DOCK1: variants seen among roughly 807,000 people sequenced by gnomAD.
DOCK1 encodes dedicator of cytokinesis protein 1.
In DOCK1, 138 loss-of-function variants were observed where a neutral mutation model predicts 262.7. The ratio of observed to expected loss-of-function variants is 0.53; its 90% confidence interval spans 0.46 to 0.61. The LOEUF (loss-of-function observed/expected upper bound fraction) is 0.61, where lower values mean the gene tolerates loss of function less well. Among genes scored for constraint, DOCK1 ranks in the 20% least tolerant of loss-of-function variants. The pLI, the probability that DOCK1 is intolerant of heterozygous loss-of-function variation, is 0.00. For synonymous variants in DOCK1, 866 were observed against 867.4 expected, an observed-to-expected ratio of 1.00 and a Z score of 0.03; for missense variants, 1,908 against 2,370.7, an observed-to-expected ratio of 0.80 and a Z score of 4.05.
intron 1 of DOCK1, among the ~76,000 whole-genome samples, chr10:126,956,316 TG>T (rs1289421040): frequency 1.3e-5 from 2 of 152,362 alleles, no homozygotes; most frequent in East Asian, 3.9e-4. Context: ...CAGAAGGTCC[TG>T]TGTGTCCTGA....
At chr10:127,085,306 G>T (rs561730890) in intron 23 of DOCK1, among the ~76,000 whole-genome samples, 1 of 152,262 alleles carries the variant, frequency 6.6e-6, no homozygotes, top group East Asian at 1.9e-4. Flanking sequence ...TCTAGGCATG[G>T]AGCTCTATCA....
chr10:127,250,791 C>CAAAAAAAAAAAAA (rs1180814401), intron 28 of DOCK1, among the ~76,000 whole-genome samples: 1 of 64,040 alleles, frequency 1.6e-5, no homozygotes, highest in Non-Finnish European at 2.6e-5. Flanking sequence ...GACTCCGTCT[C>CAAAAAAAAAAAAA]AAAAAAAAAA....
At chr10:127,448,460 G>A (rs193024185) in intron 51 of DOCK1, among the ~76,000 whole-genome samples, 384 of 152,278 alleles carry the variant, frequency 2.5e-3, no homozygotes, top group African/African-American at 8.8e-3. Context: ...GCTGTCAGGC[G>A]TCACTCATCC....
At chr10:127,073,822 T>C (rs889707317) in intron 23 of DOCK1, among the ~76,000 whole-genome samples, 1 of 152,126 alleles carries the variant, frequency 6.6e-6, no homozygotes, top group Non-Finnish European at 1.5e-5. Context: ...GAAGGGACAT[T>C]TGTAAATGCA....
At chr10:127,425,257 G>T (rs984175629) in intron 46 of DOCK1, among the ~76,000 whole-genome samples, 8 of 152,134 alleles carry the variant, frequency 5.3e-5, no homozygotes, top group Non-Finnish European at 1.2e-4. Context: ...CAGCAACTCT[G>T]GTGGGTCTCT....
rs376637828 is a variant in DOCK1, at chr10:127,220,768, C to CT, written c.2848-27230dup. ...ATCTTCTACCTTTAAAGAATTTGCCCTTTTTTTTTTCCCTTTAATTGATTT... is the reference window on the plus strand; with the variant it reads ...ATCTTCTACCTTTAAAGAATTTGCCCTTTTTTTTTTTCCCTTTAATTGATTT... On this transcript the variant is annotated intron_variant, in intron 27 of 51. Transcript: ENST00000623213. Among the ~76,000 whole-genome samples the CT allele has an allele frequency of 2.7e-3, 410 of 149,486 alleles. 7 individuals are homozygous for CT. In the East Asian group the frequency reaches 0.057, roughly 21 times the overall value.
chr10:127,443,680 G>A (rs1222874527), intron 49 of DOCK1, among the ~76,000 whole-genome samples: 1 of 152,068 alleles, frequency 6.6e-6, no homozygotes, highest in Non-Finnish European at 1.5e-5. Flanking sequence ...TGTACATACT[G>A]TGTGTGTGTA....
chr10:127,261,437 G>A (rs1330450090), intron 29 of DOCK1, among the ~76,000 whole-genome samples: 3 of 144,878 alleles, frequency 2.1e-5, no homozygotes, highest in East Asian at 2.1e-4. Flanking sequence ...TCATCTGTGT[G>A]TGTACCTGCA....
At chr10:127,005,554 C>T (rs1371103217) in intron 10 of DOCK1, among the ~76,000 whole-genome samples, 7 of 152,024 alleles carry the variant, frequency 4.6e-5, no homozygotes, top group Non-Finnish European at 8.8e-5. Flanking sequence ...TCTTAGTCTT[C>T]GGTTGAAAAG....
chr10:127,119,312 C>T (rs1052455125), intron 25 of DOCK1, among the ~76,000 whole-genome samples: 1 of 152,150 alleles, frequency 6.6e-6, no homozygotes, highest in African/African-American at 2.4e-5. Context: ...CTCCCAAGTG[C>T]TGGGATTACA....
At chr10:127,061,814 T>G (rs1319608609) in intron 23 of DOCK1, 38 bp downstream of exon 23, 2 of 1,491,422 alleles carry the variant, frequency 1.3e-6, no homozygotes, top group Non-Finnish European at 1.8e-6. Context: ...CTTCTCCTTC[T>G]TTTTTTCTTT....
intron 29 of DOCK1, among the ~76,000 whole-genome samples, chr10:127,311,817 C>T (rs1375246025): frequency 2.0e-5 from 3 of 152,134 alleles, no homozygotes; most frequent in Admixed American, 2.0e-4. Context: ...CTTAAATTGA[C>T]TCCTACATGC....
chr10:127,301,843 G>A (rs1168488060), intron 29 of DOCK1, among the ~76,000 whole-genome samples: 2 of 151,850 alleles, frequency 1.3e-5, no homozygotes, highest in South Asian at 2.1e-4. Flanking sequence ...CTACTCGGGA[G>A]GCTGAGGCAG....
At chr10:127,369,498 G>A (rs2065096521) in intron 33 of DOCK1, among the ~76,000 whole-genome samples, 1 of 152,180 alleles carries the variant, frequency 6.6e-6, no homozygotes, top group African/African-American at 2.4e-5. Flanking sequence ...CCTTTAACCA[G>A]ATTAAACAGG....
chr10:127,152,902 G>T (rs552848118), intron 27 of DOCK1, among the ~76,000 whole-genome samples: 1 of 152,290 alleles, frequency 6.6e-6, no homozygotes, highest in African/African-American at 2.4e-5. Flanking sequence ...GCTCTGTCTG[G>T]ATCGGAGGCA....
chr10:126,967,368 T>A (rs1341206683), intron 1 of DOCK1, among the ~76,000 whole-genome samples: 2 of 152,184 alleles, frequency 1.3e-5, no homozygotes, highest in African/African-American at 2.4e-5. Flanking sequence ...TTCTTGTTTT[T>A]CTCATGTCAC....
chr10:126,977,710 A>C (rs767065713), intron 2 of DOCK1, among the ~76,000 whole-genome samples: 19 of 152,072 alleles, frequency 1.2e-4, no homozygotes, highest in Non-Finnish European at 2.4e-4. Flanking sequence ...GAGATGACGG[A>C]GGTGAAGGTA....
At chr10:127,326,152 G>A (rs1177106158) in intron 29 of DOCK1, among the ~76,000 whole-genome samples, 1 of 152,202 alleles carries the variant, frequency 6.6e-6, no homozygotes, top group Non-Finnish European at 1.5e-5. Context: ...CAGGATGGTG[G>A]TTGCTGAGGG....
intron 48 of DOCK1, among the ~76,000 whole-genome samples, chr10:127,435,436 T>A (rs1362177679): frequency 6.6e-6 from 1 of 152,200 alleles, no homozygotes; most frequent in Admixed American, 6.5e-5. Context: ...ACTATCCCCA[T>A]ATTTTTTCTT....
Sources: allele counts gnomAD v4.1 joint callset (sites outside exome capture counted in the v4.1 genomes callset), GRCh38; gene constraint gnomAD v4.1.1; transcripts MANE v1.5; gene names NCBI Gene and HGNC (gene_info 2026-07-23, HGNC 2026-07-21).